Variants in F13A1 observed in about 807,000 individuals in gnomAD.
F13A1 encodes the protein coagulation factor XIII A chain, also known as FSF, A subunit.
F13A1 carries 47 observed loss-of-function variants against 80.1 expected under a neutral mutation model. The observed-to-expected ratio is 0.59, with a 90% CI of 0.46 to 0.75. The LOEUF (loss-of-function observed/expected upper bound fraction) is 0.75. Ranked by LOEUF, F13A1 falls within the 30% of genes least tolerant of loss-of-function variation. The probability of loss-of-function intolerance (pLI) is 0.00; values close to 1 mark genes in which losing one functional copy is unlikely to be tolerated. For synonymous variants in F13A1, 349 were observed against 344.9 expected (o/e 1.01, Z -0.13); for missense variants, 817 against 930.4 (o/e 0.88, Z 1.59).
At chr6:6,225,675 A>AT (rs1041595236) in intron 6 of F13A1, among the ~76,000 whole-genome samples, 19 of 151,458 alleles carry the variant, frequency 1.3e-4, no homozygotes, top group Middle Eastern at 3.4e-3. Flanking sequence ...AATTAAATTT[A>AT]TTTTTTTTGT....
chr6:6,287,708 A>G (rs12193369), intron 3 of F13A1, among the ~76,000 whole-genome samples: 12,677 of 152,290 alleles, frequency 0.083, 690 homozygotes, highest in Middle Eastern at 0.14. Context: ...GAGGAAGCAC[A>G]TGGTAAGGTC....
chr6:6,222,425 AG>A (rs900762329), intron 7 of F13A1, among the ~76,000 whole-genome samples: 4 of 152,172 alleles, frequency 2.6e-5, no homozygotes, highest in Non-Finnish European at 4.4e-5. Flanking sequence ...GAATCCCAAC[AG>A]GGTTCTAATT....
intron 13 of F13A1, among the ~76,000 whole-genome samples, 196 bp downstream of exon 13, chr6:6,167,262 T>C (rs920906238): frequency 6.6e-6 from 1 of 152,172 alleles, no homozygotes; most frequent in Non-Finnish European, 1.5e-5. Flanking sequence ...AAGTGTTATA[T>C]GTATGTGTCT....
chr6:6,240,704 T>A lies in F13A1; in HGVS notation c.798+7608A>T, dbSNP rs577822406. Among the ~76,000 whole-genome samples the A allele has an allele frequency of 2.6e-5, 4 of 152,346 alleles. 1 individual carries two copies. Among genetic ancestry groups the A allele is most frequent in the African/African-American group, 4.8e-5 (2 of 41,582 alleles). Reference sequence around the variant, plus strand: ...ATTCTATTTTCCCACTGGCTTCCAATATATCTGTCAATTTTTTAAAAATCT... The same window carrying A: ...ATTCTATTTTCCCACTGGCTTCCAAAATATCTGTCAATTTTTTAAAAATCT... On this transcript the variant is annotated intron_variant, in intron 6 of 14. Transcript: ENST00000264870.
chr6:6,263,542 G>A (rs1315118125), intron 4 of F13A1, among the ~76,000 whole-genome samples: 2 of 152,120 alleles, frequency 1.3e-5, no homozygotes, highest in Non-Finnish European at 2.9e-5. Context: ...ATTTGTGTCC[G>A]TTATTGCTCC....
intron 8 of F13A1, among the ~76,000 whole-genome samples, chr6:6,209,954 C>T (rs937272851): frequency 2.0e-5 from 3 of 151,912 alleles, no homozygotes; most frequent in East Asian, 1.9e-4. Context: ...GGCCTAGTGC[C>T]GTGGCTCATG....
intron 8 of F13A1, among the ~76,000 whole-genome samples, chr6:6,200,542 C>A (rs1326661988): frequency 2.8e-5 from 4 of 144,060 alleles, no homozygotes; most frequent in Admixed American, 6.9e-5. Flanking sequence ...CAGAGTGAGA[C>A]CCTGTCTAAA....
intron 6 of F13A1, among the ~76,000 whole-genome samples, chr6:6,238,840 A>T (rs1373985010): frequency 6.6e-6 from 1 of 152,150 alleles, no homozygotes; most frequent in East Asian, 1.9e-4. Context: ...GGTTAAAATT[A>T]AAAAGGTTCA....
chr6:6,197,323 GT>G lies in F13A1; in HGVS notation c.1115del (p.Asn372ThrfsTer10). On this transcript the variant is annotated frameshift_variant and splice_region_variant, in exon 9 of 15. Coordinates refer to ENST00000264870, the MANE Select transcript of F13A1 (RefSeq NM_000129.4). LOFTEE classifies it high-confidence loss of function. ...NSKLTKDSVWNYHCWNEAWMT... is the reference protein window; with the variant it reads ...NSKLTKDSVWXYHCWNEAWMT... Reference sequence around the variant, plus strand: ...TCCATGCTTCATTCCAGCAGTGGTAGTTCCTTAGAAAACACAAGCCCAGAAA... The same window carrying G: ...TCCATGCTTCATTCCAGCAGTGGTAGTCCTTAGAAAACACAAGCCCAGAAA... 2 of 1,613,998 alleles carry G rather than the reference GT, an allele frequency of 1.2e-6. No individual in the cohort carries two copies. Among genetic ancestry groups the G allele is most frequent in the Non-Finnish European group, 1.7e-6 (2 of 1,179,892 alleles).
chr6:6,251,478 T>C (rs1757632369), intron 4 of F13A1, among the ~76,000 whole-genome samples: 1 of 152,206 alleles, frequency 6.6e-6, no homozygotes, highest in African/African-American at 2.4e-5. Context: ...TATGTGTGTG[T>C]GTCCAACCAG....
intron 6 of F13A1, among the ~76,000 whole-genome samples, chr6:6,238,529 T>C (rs546517186): frequency 1.2e-4 from 18 of 152,210 alleles, no homozygotes; most frequent in Non-Finnish European, 2.5e-4. Context: ...TTTGATTTTA[T>C]AAAATTTAAA....
intron 14 of F13A1, among the ~76,000 whole-genome samples, chr6:6,148,266 GA>G (rs1760318655): frequency 6.6e-6 from 1 of 152,210 alleles, no homozygotes; most frequent in African/African-American, 2.4e-5. Flanking sequence ...AGTGGGGGAA[GA>G]GCAGGAAGAT....
At chr6:6,315,012 C>T (rs978086494) in intron 2 of F13A1, among the ~76,000 whole-genome samples, 3 of 152,184 alleles carry the variant, frequency 2.0e-5, no homozygotes, top group African/African-American at 7.2e-5. Context: ...CCCCATTAGC[C>T]TGAAAAACTA....
At chr6:6,165,472 A>C (rs1760654884) in intron 13 of F13A1, among the ~76,000 whole-genome samples, 1 of 152,216 alleles carries the variant, frequency 6.6e-6, no homozygotes, top group African/African-American at 2.4e-5. Flanking sequence ...TGAGCACTTC[A>C]CAGCTTGGGA....
chr6:6,208,779 CTTAT>C (rs1483453037), intron 8 of F13A1, among the ~76,000 whole-genome samples: 3 of 152,122 alleles, frequency 2.0e-5, no homozygotes, highest in Admixed American at 6.6e-5. Flanking sequence ...TATTCGCTCT[CTTAT>C]TTTTCTCTCT....
intron 4 of F13A1, among the ~76,000 whole-genome samples, chr6:6,258,503 A>C (rs1423957161): frequency 6.6e-6 from 1 of 152,178 alleles, no homozygotes; most frequent in Non-Finnish European, 1.5e-5. Context: ...TGGTGGGTGA[A>C]TGTGTCTCTG....
chr6:6,273,501 GC>G (rs1336385889), intron 3 of F13A1, among the ~76,000 whole-genome samples: 1 of 152,134 alleles, frequency 6.6e-6, no homozygotes, highest in African/African-American at 2.4e-5. Context: ...CACATTTTAA[GC>G]TGAGCCCTGA....
At chr6:6,191,772 G>A (rs1761204889) in intron 10 of F13A1, among the ~76,000 whole-genome samples, 1 of 152,208 alleles carries the variant, frequency 6.6e-6, no homozygotes, top group East Asian at 1.9e-4. Context: ...GCTTCTCAGA[G>A]GGCATATGGA....
intron 11 of F13A1, among the ~76,000 whole-genome samples, chr6:6,175,973 G>A (rs750269129): frequency 5.3e-5 from 8 of 152,222 alleles, no homozygotes; most frequent in Non-Finnish European, 1.0e-4. Flanking sequence ...GTGGGAGAAC[G>A]GTCCTTACAG....
Sources: gnomAD v4.1 joint callset for allele counts (sites outside exome capture counted in the v4.1 genomes callset) on GRCh38, gnomAD v4.1.1 for gene constraint, MANE v1.5 for transcripts, NCBI Gene and HGNC (gene_info 2026-07-23, HGNC 2026-07-21) for gene names.